TRDMT1: variants seen among roughly 807,000 people sequenced by gnomAD.
TRDMT1 encodes the protein tRNA aspartic acid methyltransferase 1, also known as tRNA (cytosine(38)-C(5))-methyltransferase.
In TRDMT1, 49 loss-of-function variants were observed where a neutral mutation model predicts 51.2. The observed-to-expected ratio is 0.96, with a 90% confidence interval of 0.76 to 1.21. TRDMT1 has a LOEUF of 1.21. Ranked by LOEUF, TRDMT1 falls within the 50% of genes most tolerant of loss-of-function variation. TRDMT1 has a pLI of 0.00. For missense variants in TRDMT1, 534 were observed against 462.3 expected (o/e 1.16, Z -1.42); for synonymous variants, 187 against 164.6 (o/e 1.14, Z -1.04).
Position 17,141,208 on chromosome 10 carries a change from G to A in TRDMT1, c.*7832C>T, listed in dbSNP as rs2131347414. On this transcript the variant is annotated 3_prime_UTR_variant, in exon 11 of 11. Transcript: ENST00000377799. ...AGACGGAGTCTCACTCTGTCACCAG[G>A]CTGGAGTGCAGTGGCACGATCTCAG... Among the ~76,000 whole-genome samples the A allele has an allele frequency of 6.6e-6, 1 of 152,210 alleles. No homozygotes were observed. Among genetic ancestry groups the A allele is most frequent in the South Asian group, 2.1e-4 (1 of 4,818 alleles).
intron 1 of TRDMT1, 63 bp from the exon 2 acceptor site, chr10:17,174,723 A>C (rs112263032): frequency 3.3e-6 from 4 of 1,203,492 alleles, no homozygotes; most frequent in African/African-American, 3.0e-5. Context: ...GAAAGAAATC[A>C]AAATAGCAGA....
intron 8 of TRDMT1, among the ~76,000 whole-genome samples, chr10:17,155,521 G>A (rs1839382537): frequency 6.6e-6 from 1 of 152,042 alleles, no homozygotes; most frequent in Non-Finnish European, 1.5e-5. Flanking sequence ...CAAACACAGT[G>A]CCACTGATCC....
intron 1 of TRDMT1, 43 bp downstream of exon 1, chr10:17,201,528 C>T (rs1222243943): frequency 6.5e-7 from 1 of 1,533,440 alleles, no homozygotes; most frequent in African/African-American, 1.4e-5. Flanking sequence ...TCCAACCAGC[C>T]CCCGTGAGCG....
At position 17,141,578 on chromosome 10, in the gene TRDMT1, C is replaced by T. The variant is rs1837698727; in HGVS notation, c.*7462G>A. On this transcript the variant is annotated 3_prime_UTR_variant, in exon 11 of 11. Transcript: ENST00000377799. ...CACCCCAAACATATAAATGTTGGTT[C>T]TTCTGTTATTGTCCCACAGGTCCCC... 6.6e-6 allele frequency among the ~76,000 whole-genome samples: 1 copy of T among 152,012 alleles called. No homozygotes were observed. Among genetic ancestry groups the T allele is most frequent in the Non-Finnish European group, 1.5e-5 (1 of 67,976 alleles).
In TRDMT1 at chr10:17,201,655, AG is replaced by A. The variant is rs958777939; in HGVS notation, c.-22del. Reference sequence around the variant, plus strand: ...TCCATCCCCGCGCCTCAGCCGCCGCAGCCCCGGAGCTAGGCCTGCCGGTCCG... The same window carrying A: ...TCCATCCCCGCGCCTCAGCCGCCGCACCCCGGAGCTAGGCCTGCCGGTCCG... On this transcript the variant is annotated 5_prime_UTR_variant, in exon 1 of 11. Coordinates refer to ENST00000377799, the MANE Select transcript of TRDMT1 (RefSeq NM_004412.7). 6.5e-7 allele frequency: 1 copy of A among 1,537,416 alleles called. No homozygotes were observed. Among genetic ancestry groups the A allele is most frequent in the Non-Finnish European group, 8.8e-7 (1 of 1,142,832 alleles).
Position 17,145,007 on chromosome 10 carries a change from G to T in TRDMT1, c.*4033C>A. The T allele has an allele frequency of 4.1e-6, 4 of 981,402 alleles. No homozygotes were observed. The highest frequency in any genetic ancestry group is 4.8e-6 in the Non-Finnish European group (4 of 826,354). The allele number at this position is 981,402 out of a possible 1,614,324, so 60.8% of individuals were successfully genotyped here. On this transcript the variant is annotated 3_prime_UTR_variant, in exon 11 of 11. Transcript: ENST00000377799. ...TCATGCCTGTAAAACCCAGCACTTA[G>T]GGAAGCCAAGGTGGGTGGATTAACT...
intron 1 of TRDMT1, among the ~76,000 whole-genome samples, chr10:17,194,567 A>G (rs1488853807): frequency 6.6e-6 from 1 of 152,174 alleles, no homozygotes; most frequent in Non-Finnish European, 1.5e-5. Flanking sequence ...CATCATCACT[A>G]ATCTTCAAGA....
At position 17,180,539 on chromosome 10, in the gene TRDMT1, C is replaced by CAAAAA. The variant is rs10627626; in HGVS notation, c.65-5884_65-5880dup. 1.9e-3 allele frequency among the ~76,000 whole-genome samples: 204 copies of CAAAAA among 104,920 alleles called. 4 individuals are homozygous for CAAAAA. The highest frequency in any genetic ancestry group is 6.1e-3 in the African/African-American group (197 of 32,096). 68.8% of individuals were successfully genotyped at this position (104,920 alleles called of 152,430 possible). ...TGGGCAAAAGAGCGGAACTCTGTCT[C>CAAAAA]AAAAAAAAAAAAAAAAAACTCTCTT... On this transcript the variant is annotated intron_variant, in intron 1 of 10. Coordinates refer to ENST00000377799, the MANE Select transcript of TRDMT1 (RefSeq NM_004412.7).
At position 17,147,043 on chromosome 10, in the gene TRDMT1, A is replaced by C. The variant is rs779558475; in HGVS notation, c.*1997T>G. On this transcript the variant is annotated 3_prime_UTR_variant, in exon 11 of 11. Transcript: ENST00000377799. ...AAGCAAATGTCTCTACAGACCTTTC[A>C]AGTATTTATAGTTGGTGCACAGTAA... 3 of 985,698 alleles carry C rather than the reference A, an allele frequency of 3.0e-6. No individual in the cohort carries two copies. Among genetic ancestry groups the C allele is most frequent in the Non-Finnish European group, 3.6e-6 (3 of 829,914 alleles). The allele number at this position is 985,698 out of a possible 1,614,324, so 61.1% of individuals were successfully genotyped here.
Position 17,144,691 on chromosome 10 carries a change from T to C in TRDMT1, c.*4349A>G. On this transcript the variant is annotated 3_prime_UTR_variant, in exon 11 of 11. Coordinates refer to ENST00000377799, the MANE Select transcript of TRDMT1 (RefSeq NM_004412.7). ...ATAAATTCACAAGCTAAGACATGAATGGTGATGGAGTTTGGATCTTGATTG... is the reference window on the plus strand; with the variant it reads ...ATAAATTCACAAGCTAAGACATGAACGGTGATGGAGTTTGGATCTTGATTG... 1 of 985,388 alleles carries C rather than the reference T, an allele frequency of 1.0e-6. No individual in the cohort carries two copies. The highest frequency in any genetic ancestry group is 1.2e-6 in the Non-Finnish European group (1 of 829,900). The allele number at this position is 985,388 out of a possible 1,614,324, so 61.0% of individuals were successfully genotyped here.
At chr10:17,166,625 T>C (rs964006950) in intron 3 of TRDMT1, among the ~76,000 whole-genome samples, 2 of 152,216 alleles carry the variant, frequency 1.3e-5, no homozygotes, top group Admixed American at 6.5e-5. Context: ...CATCAGTGGA[T>C]CTGAGGTTCA....
At position 17,154,684 on chromosome 10, in the gene TRDMT1, T is replaced by A; in HGVS notation, c.938A>T (p.Asp313Val). The change falls in exon 9 of 11, where the codon GAT becomes GTT. Residue 313 changes from aspartate to valine, a missense_variant. Asp to Val is a radical substitution (Grantham distance 152, BLOSUM62 -3). Transcript: ENST00000377799. The stretch of plus-strand genomic sequence containing the variant: ...TTAAAACATGCATAGTACCTGCACA[T>A]CCTCTGCAGTCTGTAACACAGACCC... ...GTGSVLQTAEDVQVENIYKSL... is the reference protein window; with the variant it reads ...GTGSVLQTAEVVQVENIYKSL... 6.3e-7 allele frequency: 1 copy of A among 1,599,960 alleles called. No individual in the cohort carries two copies. Among genetic ancestry groups the A allele is most frequent in the Non-Finnish European group, 8.5e-7 (1 of 1,174,190 alleles).
chr10:17,191,132 G>GC (rs1247330089), intron 1 of TRDMT1, among the ~76,000 whole-genome samples: 1 of 152,148 alleles, frequency 6.6e-6, no homozygotes, highest in East Asian at 1.9e-4. Flanking sequence ...CAACCAGGAG[G>GC]CCAGGGAGCC....
At chr10:17,196,980 C>T (rs981401294) in intron 1 of TRDMT1, among the ~76,000 whole-genome samples, 3 of 152,162 alleles carry the variant, frequency 2.0e-5, no homozygotes, top group African/African-American at 2.4e-5. Context: ...TTCCAGAACC[C>T]AGCACTGTTG....
chr10:17,171,031 A>C (rs1564301882), intron 2 of TRDMT1, among the ~76,000 whole-genome samples: 1 of 152,004 alleles, frequency 6.6e-6, no homozygotes, highest in African/African-American at 2.4e-5. Context: ...CATAGTGCTA[A>C]TGGTGGACAT....
Position 17,159,377 on chromosome 10 carries a change from A to C in TRDMT1, c.460-148T>G, listed in dbSNP as rs1839993968. On this transcript the variant is annotated intron_variant, in intron 6 of 10. Coordinates refer to ENST00000377799, the MANE Select transcript of TRDMT1 (RefSeq NM_004412.7). ...GCAAAATTTGCTACGGATTTGTAGA[A>C]GACTCCATTGTAGTACATTTTAAAC... 7 of 539,950 alleles carry C rather than the reference A, an allele frequency of 1.3e-5. No individual in the cohort carries two copies. The East Asian group carries it at 1.8e-4, about 14-fold the overall frequency. The allele number at this position is 539,950 out of a possible 1,614,324, so 33.4% of individuals were successfully genotyped here. A position where few individuals can be genotyped will look rare whatever the true frequency, so the allele number is the denominator to read the frequency against.
At chr10:17,149,286 T>C (rs1055507134) in intron 10 of TRDMT1, 146 bp from the exon 11 acceptor site, 13 of 632,050 alleles carry the variant, frequency 2.1e-5, no homozygotes, top group African/African-American at 2.0e-4. Flanking sequence ...AAAAGAGAAT[T>C]TGGAGCCAAA....
chr10:17,162,247 T>TAAAAAAAA lies in TRDMT1; in HGVS notation c.252-18_252-11dup. 1.5e-6 allele frequency: 2 copies of TAAAAAAAA among 1,352,330 alleles called. No individual in the cohort carries two copies. The highest frequency in any genetic ancestry group is 1.4e-5 in the South Asian group (1 of 70,430). The allele number at this position is 1,352,330 out of a possible 1,614,324, so 83.8% of individuals were successfully genotyped here. A position where few individuals can be genotyped will look rare whatever the true frequency, so the allele number is the denominator to read the frequency against. ...ACCCTGCCGGCCAATCCTAAAGGGG[T>TAAAAAAAA]AAAAAAAAAAAAAAACAAAAAAAAA... On this transcript the variant is annotated splice_polypyrimidine_tract_variant and intron_variant, in intron 3 of 10. Coordinates refer to ENST00000377799, the MANE Select transcript of TRDMT1 (RefSeq NM_004412.7).
intron 10 of TRDMT1, chr10:17,151,483 C>G: frequency 2.0e-6 from 2 of 979,946 alleles, no homozygotes; most frequent in Non-Finnish European, 2.4e-6. Flanking sequence ...AAACAATGCC[C>G]ATTTTTGGAC....
Sources: allele counts gnomAD v4.1 joint callset (sites outside exome capture counted in the v4.1 genomes callset), GRCh38; gene constraint gnomAD v4.1.1; transcripts MANE v1.5; gene names NCBI Gene and HGNC (gene_info 2026-07-23, HGNC 2026-07-21).